EPB41L3: variants seen among roughly 807,000 people sequenced by gnomAD.
EPB41L3 encodes erythrocyte membrane protein band 4.1 like 3.
EPB41L3 carries 57 observed loss-of-function variants against 127.1 expected under a neutral mutation model. That is an observed-to-expected ratio of 0.45 (90% CI 0.36 to 0.56). The LOEUF (loss-of-function observed/expected upper bound fraction) is 0.56. Ranked by LOEUF, EPB41L3 falls within the 20% of genes least tolerant of loss-of-function variation. EPB41L3 has a pLI of 0.00. For missense variants in EPB41L3, 1,273 were observed against 1,372.2 expected, an observed-to-expected ratio of 0.93 and a Z score of 1.14; for synonymous variants, 572 against 549.5, an observed-to-expected ratio of 1.04 and a Z score of -0.57.
At chr18:5,564,150 G>C (rs924913054) in intron 3 of EPB41L3, among the ~76,000 whole-genome samples, 4 of 152,034 alleles carry the variant, frequency 2.6e-5, no homozygotes, top group African/African-American at 4.8e-5. Flanking sequence ...TTGAGTTTTG[G>C]GGATAAATAT....
rs746776680 is a variant in EPB41L3, at chr18:5,410,659, AG to A, written c.2068-41del. ...AGTGATCAGGTTCCAGGAGGAAGGC[AG>A]GGACAGAAAGTAAACCATCTGGTTA... On this transcript the variant is annotated intron_variant, in intron 13 of 22. Transcript: ENST00000341928. The A allele has an allele frequency of 5.2e-5, 82 of 1,570,406 alleles. 1 individual carries two copies. Among genetic ancestry groups the A allele is most frequent in the Non-Finnish European group, 6.3e-5 (72 of 1,142,004 alleles).
At chr18:5,522,472 T>C (rs1003732397) in intron 1 of EPB41L3, among the ~76,000 whole-genome samples, 4 of 152,162 alleles carry the variant, frequency 2.6e-5, no homozygotes, top group African/African-American at 9.7e-5. Flanking sequence ...ATAAAGTCAA[T>C]CTGTATCTAT....
chr18:5,630,498 C>A (rs763583255), upstream of EPB41L3: 2 of 518,616 alleles, frequency 3.9e-6, no homozygotes, highest in South Asian at 2.8e-5. Flanking sequence ...GCTCACAGGT[C>A]CCTCCGCAGG....
chr18:5,535,235 T>C (rs1476233367), intron 1 of EPB41L3, among the ~76,000 whole-genome samples: 1 of 152,016 alleles, frequency 6.6e-6, no homozygotes, highest in Non-Finnish European at 1.5e-5. Context: ...CCCCAACCTC[T>C]GTGCCAAGGA....
At chr18:5,544,773 G>A (rs2149100312), upstream of EPB41L3, among the ~76,000 whole-genome samples, 1 of 152,232 alleles carries the variant, frequency 6.6e-6, no homozygotes, top group Admixed American at 6.5e-5. Context: ...TAATTTGATT[G>A]TACATTTTAA....
intron 1 of EPB41L3, among the ~76,000 whole-genome samples, chr18:5,500,683 C>T (rs1047586464): frequency 2.0e-5 from 3 of 152,118 alleles, no homozygotes; most frequent in South Asian, 2.1e-4. Flanking sequence ...ACAAATAATC[C>T]GTGCTTCTAA....
intron 3 of EPB41L3, among the ~76,000 whole-genome samples, chr18:5,580,569 C>T (rs968397383): frequency 2.6e-5 from 4 of 152,056 alleles, no homozygotes; most frequent in African/African-American, 7.2e-5. Context: ...TATATGCACA[C>T]GCACATATAC....
chr18:5,514,844 C>A lies in EPB41L3; in HGVS notation c.-11-25650G>T, dbSNP rs571612440. Among the ~76,000 whole-genome samples, 14 of 152,340 alleles carry A rather than the reference C, an allele frequency of 9.2e-5. No homozygotes were observed. The East Asian group carries it at 2.5e-3, about 27-fold the overall frequency. On this transcript the variant is annotated intron_variant, in intron 1 of 22. Transcript: ENST00000341928. ...TTAGTGCTGACAGGGTACAGCTGCACCCATAATATTCTCTTTTTCCAAATT... is the reference window on the plus strand; with the variant it reads ...TTAGTGCTGACAGGGTACAGCTGCAACCATAATATTCTCTTTTTCCAAATT...
In EPB41L3 at chr18:5,582,199, CTCCCTGG is replaced by C. The variant is rs61391517; in HGVS notation, c.-306+30134_-306+30140del. Among the ~76,000 whole-genome samples the C allele has an allele frequency of 0.015, 2,266 of 152,244 alleles. 246 individuals are homozygous for C. In the East Asian group the frequency reaches 0.28, roughly 19 times the overall value. ...CAAATTGAATCTCAAGGCAGTGGGG[CTCCCTGG>C]TCACTCCGTTTTGCTGGTATATCTT... On this transcript the variant is annotated intron_variant, in intron 3 of 21. Transcript: ENST00000545076.
chr18:5,429,058 C>T (rs9945157), intron 8 of EPB41L3, among the ~76,000 whole-genome samples: 21 of 152,098 alleles, frequency 1.4e-4, no homozygotes, highest in African/African-American at 3.9e-4. Context: ...AATTTAAATA[C>T]GAAATAGTTT....
At chr18:5,513,777 C>A (rs1458395925) in intron 1 of EPB41L3, among the ~76,000 whole-genome samples, 1 of 152,178 alleles carries the variant, frequency 6.6e-6, no homozygotes, top group East Asian at 1.9e-4. Flanking sequence ...TCTGGCATAT[C>A]TTAAGTACTC....
intron 3 of EPB41L3, among the ~76,000 whole-genome samples, chr18:5,469,886 T>C (rs1413228161): frequency 6.6e-6 from 1 of 151,456 alleles, no homozygotes; most frequent in Non-Finnish European, 1.5e-5. Context: ...TTCAAGCAAG[T>C]CTCCTGCCTC....
At chr18:5,552,284 G>T (rs2093977323) in intron 3 of EPB41L3, among the ~76,000 whole-genome samples, 2 of 152,164 alleles carry the variant, frequency 1.3e-5, no homozygotes, top group South Asian at 4.1e-4. Flanking sequence ...TAAAATGCTG[G>T]CATATTTCAC....
chr18:5,507,444 G>A (rs886329695), intron 1 of EPB41L3, among the ~76,000 whole-genome samples: 6 of 149,786 alleles, frequency 4.0e-5, no homozygotes, highest in Admixed American at 4.0e-4. Context: ...TTGCCAATTG[G>A]TATCAGTCAC....
chr18:5,561,228 C>T (rs1479654298), intron 3 of EPB41L3, among the ~76,000 whole-genome samples: 2 of 152,094 alleles, frequency 1.3e-5, no homozygotes, highest in Non-Finnish European at 2.9e-5. Flanking sequence ...CCGCCCGCCT[C>T]GGCCTCCCAA....
chr18:5,437,992 T>G (rs1433088784), intron 6 of EPB41L3, 43 bp downstream of exon 6: 1 of 1,570,888 alleles, frequency 6.4e-7, no homozygotes, highest in Non-Finnish European at 8.7e-7. Flanking sequence ...GAAGCACAAC[T>G]CTCCCAATAT....
intron 1 of EPB41L3, among the ~76,000 whole-genome samples, chr18:5,497,657 G>A (rs758780612): frequency 3.3e-5 from 5 of 152,112 alleles, no homozygotes; most frequent in Non-Finnish European, 7.3e-5. Context: ...CCTTTAACAC[G>A]GGAAATCATT....
intron 2 of EPB41L3, among the ~76,000 whole-genome samples, chr18:5,487,495 A>AT (rs1353319562): frequency 1.5e-3 from 212 of 145,198 alleles, no homozygotes; most frequent in East Asian, 2.8e-3. Context: ...TTTACCTCAA[A>AT]TTTTTTTTTT....
At chr18:5,396,979 C>G (rs980130598) in intron 18 of EPB41L3, 79 bp downstream of exon 18, 2 of 1,449,954 alleles carry the variant, frequency 1.4e-6, no homozygotes, top group Non-Finnish European at 1.8e-6. Context: ...CTTAGCTCCA[C>G]CTTTATGCTG....
Sources: allele counts gnomAD v4.1 joint callset (sites outside exome capture counted in the v4.1 genomes callset), GRCh38; gene constraint gnomAD v4.1.1; transcripts MANE v1.5; gene names NCBI Gene and HGNC (gene_info 2026-07-23, HGNC 2026-07-21).